Variants in SLC12A8 observed in about 807,000 individuals in gnomAD.
The protein encoded by SLC12A8 is cation-chloride cotransporter 9.
In SLC12A8, 69 loss-of-function variants were observed where a neutral mutation model predicts 75.6. That is an observed-to-expected ratio of 0.91 (90% CI 0.75 to 1.11). The LOEUF is 1.11. SLC12A8 is among the 50% of genes most tolerant of loss of function. SLC12A8 has a pLI of 0.00. For synonymous variants in SLC12A8, 365 were observed against 372.8 expected (o/e 0.98, Z 0.24); for missense variants, 877 against 896.7 (o/e 0.98, Z 0.28).
At chr3:125,200,031 G>A (rs1386606365) in intron 2 of SLC12A8, among the ~76,000 whole-genome samples, 7 of 152,160 alleles carry the variant, frequency 4.6e-5, no homozygotes, top group African/African-American at 1.7e-4. Flanking sequence ...ATGAAAACCA[G>A]AAGCCATTAG....
At chr3:125,178,891 T>G (rs766251536) in intron 4 of SLC12A8, among the ~76,000 whole-genome samples, 10 of 152,252 alleles carry the variant, frequency 6.6e-5, no homozygotes, top group Admixed American at 5.2e-4. Context: ...ATATAATCTT[T>G]TTTTAAAAAA....
chr3:125,110,194 G>C lies in SLC12A8; in HGVS notation c.1054C>G (p.Gln352Glu). The C allele has an allele frequency of 6.2e-7, 1 of 1,612,466 alleles. No homozygotes were observed. Among genetic ancestry groups the C allele is most frequent in the Non-Finnish European group, 8.5e-7 (1 of 1,178,862 alleles). Residue 352 changes from glutamine (Q) to glutamate (E), a missense_variant, in exon 9 of 14, where the codon CAA becomes GAA. Coordinates refer to ENST00000469902, the MANE Select transcript of SLC12A8 (RefSeq NM_024628.6). ...AAAAAAAGAGGATTACTCACCCCTT[G>C]TCCCAGACAGGCAAGTGCAGGGATC... ...KVIPALACLG[Q>E]GKGPNKTPVA...
At chr3:125,118,292 C>T (rs1939361881) in intron 8 of SLC12A8, among the ~76,000 whole-genome samples, 1 of 152,204 alleles carries the variant, frequency 6.6e-6, no homozygotes, top group Admixed American at 6.5e-5. Flanking sequence ...CATCATGTCT[C>T]TTCCCCACCA....
At chr3:125,192,257 G>A (rs1048861722) in intron 2 of SLC12A8, among the ~76,000 whole-genome samples, 8 of 152,250 alleles carry the variant, frequency 5.3e-5, no homozygotes, top group African/African-American at 1.9e-4. Context: ...AGCCCCGTGA[G>A]GCAGGCCGGG....
chr3:125,129,265 T>A (rs1286138842), intron 6 of SLC12A8, among the ~76,000 whole-genome samples: 3 of 152,228 alleles, frequency 2.0e-5, no homozygotes, highest in African/African-American at 7.2e-5. Context: ...CCTGGATCCC[T>A]GGAGTGGCTG....
intron 4 of SLC12A8, among the ~76,000 whole-genome samples, chr3:125,186,995 G>A (rs1034780815): frequency 3.9e-5 from 6 of 152,070 alleles, no homozygotes; most frequent in African/African-American, 1.4e-4. Context: ...GCCCTGCCCT[G>A]CTGGTCACAT....
At chr3:125,111,280 A>G (rs1440848324) in intron 8 of SLC12A8, among the ~76,000 whole-genome samples, 1 of 152,202 alleles carries the variant, frequency 6.6e-6, no homozygotes, top group East Asian at 1.9e-4. Context: ...AACAGATAGA[A>G]TAAGAGGGCA....
chr3:125,131,168 T>G (rs1386308916), intron 6 of SLC12A8, among the ~76,000 whole-genome samples: 1 of 152,196 alleles, frequency 6.6e-6, no homozygotes, highest in African/African-American at 2.4e-5. Context: ...CTATATTCTC[T>G]TGTCTTGTGG....
At chr3:125,169,899 A>G (rs1265694001) in intron 5 of SLC12A8, among the ~76,000 whole-genome samples, 1 of 152,286 alleles carries the variant, frequency 6.6e-6, no homozygotes, top group Admixed American at 6.5e-5. Flanking sequence ...ACATTTGGAG[A>G]AAGCTGGCAG....
At chr3:125,211,115 G>A (rs986387962) in intron 2 of SLC12A8, among the ~76,000 whole-genome samples, 184 bp downstream of exon 2, 3 of 152,228 alleles carry the variant, frequency 2.0e-5, no homozygotes, top group Admixed American at 6.5e-5. Context: ...TTCTGTATAT[G>A]AACAGTTAAT....
At chr3:125,114,345 C>T (rs1939255822) in intron 8 of SLC12A8, among the ~76,000 whole-genome samples, 1 of 152,148 alleles carries the variant, frequency 6.6e-6, no homozygotes, top group Admixed American at 6.5e-5. Flanking sequence ...CATGAGCTTC[C>T]AAGGTCCCTC....
At chr3:125,208,393 C>A (rs1297607133) in intron 2 of SLC12A8, among the ~76,000 whole-genome samples, 1 of 152,150 alleles carries the variant, frequency 6.6e-6, no homozygotes, top group Non-Finnish European at 1.5e-5. Flanking sequence ...GCCAATGGAT[C>A]CTTCTGCTCA....
At chr3:125,174,829 G>T (rs1934484846) in intron 5 of SLC12A8, among the ~76,000 whole-genome samples, 1 of 152,208 alleles carries the variant, frequency 6.6e-6, no homozygotes, top group African/African-American at 2.4e-5. Context: ...GCATTAAAAG[G>T]CAAAGCACAG....
At chr3:125,120,716 G>A in intron 6 of SLC12A8, 30 bp from the exon 7 acceptor site, 1 of 1,556,970 alleles carries the variant, frequency 6.4e-7, no homozygotes, top group South Asian at 1.1e-5. Context: ...GGAATGGGGT[G>A]AGCAGCCTCC....
chr3:125,085,628 A>C (rs996207229), intron 13 of SLC12A8, among the ~76,000 whole-genome samples: 3 of 152,184 alleles, frequency 2.0e-5, no homozygotes, highest in Non-Finnish European at 4.4e-5. Flanking sequence ...CCCAGGCTGG[A>C]GTGCAGTGGT....
At chr3:125,107,152 G>C (rs1331927444) in intron 10 of SLC12A8, among the ~76,000 whole-genome samples, 1 of 152,106 alleles carries the variant, frequency 6.6e-6, no homozygotes, top group African/African-American at 2.4e-5. Context: ...CACTTCTCTT[G>C]TAAGGAGAGA....
chr3:125,208,747 TACACACACAC>T (rs61130966), intron 2 of SLC12A8, among the ~76,000 whole-genome samples: 150 of 87,414 alleles, frequency 1.7e-3, no homozygotes, highest in African/African-American at 5.5e-3. Flanking sequence ...CTGACCAATC[TACACACACAC>T]ACACACACAC....
At chr3:125,086,559 A>G (rs907417396) in intron 13 of SLC12A8, among the ~76,000 whole-genome samples, 34 of 152,200 alleles carry the variant, frequency 2.2e-4, no homozygotes, top group African/African-American at 7.7e-4. Context: ...TCTCACCCAC[A>G]CACCACTTGC....
intron 5 of SLC12A8, among the ~76,000 whole-genome samples, chr3:125,145,298 C>T (rs998260867): frequency 6.6e-6 from 1 of 152,208 alleles, no homozygotes; most frequent in African/African-American, 2.4e-5. Context: ...TGGGGGCAGG[C>T]ACCACGCTCT....
Sources: gnomAD v4.1 joint callset for allele counts (sites outside exome capture counted in the v4.1 genomes callset) on GRCh38, gnomAD v4.1.1 for gene constraint, MANE v1.5 for transcripts, NCBI Gene and HGNC (gene_info 2026-07-23, HGNC 2026-07-21) for gene names.